FANK1: variants seen among roughly 807,000 people sequenced by gnomAD.
FANK1 encodes the protein fibronectin type III and ankyrin repeat domains 1.
A neutral mutation model predicts 45.3 loss-of-function variants in FANK1; 44 were observed. That is an observed-to-expected ratio of 0.97 (90% CI 0.76 to 1.25). FANK1 has a LOEUF of 1.25. Among genes scored for constraint, FANK1 ranks in the 50% most tolerant of loss-of-function variants. The pLI is 0.00. For synonymous variants in FANK1, 149 were observed against 152.5 expected, an observed-to-expected ratio of 0.98 and a Z score of 0.17; for missense variants, 391 against 424.4, an observed-to-expected ratio of 0.92 and a Z score of 0.69.
chr10:125,980,512 C>T, intron 2 of FANK1, 174 bp downstream of exon 2: 1 of 629,374 alleles, frequency 1.6e-6, no homozygotes, highest in East Asian at 2.9e-5. Flanking sequence ...TTAGCAGTAA[C>T]TTTGAAATTA....
At chr10:125,935,253 T>C (rs1052448885) in intron 1 of FANK1, among the ~76,000 whole-genome samples, 3 of 152,202 alleles carry the variant, frequency 2.0e-5, no homozygotes, top group Non-Finnish European at 4.4e-5. Context: ...ATCTGATTGT[T>C]ATCTCTCTGC....
intron 5 of FANK1, among the ~76,000 whole-genome samples, chr10:125,997,060 TTAAATGCCATTTGAAAAAAACA>T (rs1400429544): frequency 6.6e-6 from 1 of 152,244 alleles, no homozygotes; most frequent in East Asian, 1.9e-4. Context: ...TATATTTTAA[TTAAATGCCATTTGAAAAAAACA>T]GAAATGCATC....
intron 1 of FANK1, among the ~76,000 whole-genome samples, chr10:125,971,161 G>T (rs897671113): frequency 4.6e-5 from 7 of 152,080 alleles, no homozygotes; most frequent in African/African-American, 1.7e-4. Flanking sequence ...GAGCTATCTT[G>T]CTAATTGTTT....
chr10:125,901,156 G>A (rs1945004872), intron 1 of FANK1, among the ~76,000 whole-genome samples: 1 of 152,134 alleles, frequency 6.6e-6, no homozygotes, highest in Non-Finnish European at 1.5e-5. Context: ...CTAAGAAACT[G>A]AGGTGAATGA....
In FANK1 at chr10:125,914,641, GA is replaced by G. The variant is rs202202491; in HGVS notation, c.13+17989del. On this transcript the variant is annotated intron_variant, in intron 1 of 10. Transcript: ENST00000368693. Reference sequence around the variant, plus strand: ...TTTTTGTTAGATGATGTTGAACTTTGAAAGGCCACCAAGGACACTTTTAATA... The same window carrying G: ...TTTTTGTTAGATGATGTTGAACTTTGAAGGCCACCAAGGACACTTTTAATA... Among the ~76,000 whole-genome samples, 127 of 152,316 alleles carry G rather than the reference GA, an allele frequency of 8.3e-4. 3 individuals carry two copies. In the East Asian group the frequency reaches 0.022, roughly 27 times the overall value.
At chr10:125,947,322 T>C (rs1220416520) in intron 1 of FANK1, among the ~76,000 whole-genome samples, 1 of 149,908 alleles carries the variant, frequency 6.7e-6, no homozygotes, top group Non-Finnish European at 1.5e-5. Context: ...GACTGGCAAA[T>C]TGGATAAAGA....
At chr10:125,942,325 G>A (rs1948501615) in intron 1 of FANK1, among the ~76,000 whole-genome samples, 1 of 152,154 alleles carries the variant, frequency 6.6e-6, no homozygotes, top group Non-Finnish European at 1.5e-5. Context: ...CAAACCACAT[G>A]GGACATGTTT....
intron 1 of FANK1, among the ~76,000 whole-genome samples, chr10:125,953,787 C>T (rs935825905): frequency 6.6e-6 from 1 of 152,178 alleles, no homozygotes; most frequent in African/African-American, 2.4e-5. Flanking sequence ...CCCTGCCCCT[C>T]CTAGCTGGGC....
chr10:125,901,896 G>A (rs1449224161), intron 1 of FANK1, among the ~76,000 whole-genome samples: 2 of 152,232 alleles, frequency 1.3e-5, no homozygotes, highest in Non-Finnish European at 2.9e-5. Context: ...CAAGGCGGGC[G>A]GATCACCTGA....
intron 1 of FANK1, among the ~76,000 whole-genome samples, chr10:125,945,492 A>G (rs112055787): frequency 1.3e-5 from 2 of 152,152 alleles, no homozygotes; most frequent in Non-Finnish European, 2.9e-5. Context: ...GGGGTGACAG[A>G]CGCACCTGGA....
chr10:125,901,783 TTTCTC>T (rs1398638919), intron 1 of FANK1, among the ~76,000 whole-genome samples: 1 of 152,234 alleles, frequency 6.6e-6, no homozygotes, highest in African/African-American at 2.4e-5. Flanking sequence ...TCTCTGCGCT[TTTCTC>T]TTAATAGTAA....
intron 1 of FANK1, among the ~76,000 whole-genome samples, chr10:125,960,669 G>T (rs911359242): frequency 6.6e-6 from 1 of 152,188 alleles, no homozygotes; most frequent in African/African-American, 2.4e-5. Context: ...TGGGACTACA[G>T]GCGCCCACCA....
intron 6 of FANK1, among the ~76,000 whole-genome samples, chr10:125,999,375 A>G (rs970574903): frequency 2.6e-5 from 4 of 151,882 alleles, no homozygotes; most frequent in African/African-American, 9.7e-5. Context: ...AACTTCTTGT[A>G]TTTTTAGTAG....
At chr10:125,940,772 C>A (rs1424641210) in intron 1 of FANK1, among the ~76,000 whole-genome samples, 1 of 152,182 alleles carries the variant, frequency 6.6e-6, no homozygotes, top group African/African-American at 2.4e-5. Context: ...GGCAGAGGTA[C>A]CTGCGGCTTT....
chr10:125,997,351 A>T, intron 5 of FANK1, 69 bp from the exon 6 acceptor site: 1 of 1,260,232 alleles, frequency 7.9e-7, no homozygotes, highest in East Asian at 2.4e-5. Flanking sequence ...ACTCATTTTT[A>T]CTGGACTATT....
intron 1 of FANK1, among the ~76,000 whole-genome samples, chr10:125,946,789 T>G (rs948151010): frequency 3.1e-4 from 17 of 54,488 alleles, no homozygotes; most frequent in Admixed American, 8.0e-4. Flanking sequence ...GAAGAGCAAC[T>G]CCAAGACACA....
intron 1 of FANK1, among the ~76,000 whole-genome samples, chr10:125,970,298 C>T (rs979922661): frequency 6.6e-6 from 1 of 152,084 alleles, no homozygotes; most frequent in East Asian, 2.0e-4. Flanking sequence ...CGCCCCCTGC[C>T]TCCCAGACGG....
chr10:125,930,500 C>CT (rs530257946), intron 1 of FANK1, among the ~76,000 whole-genome samples: 2,377 of 138,770 alleles, frequency 0.017, 14 homozygotes, highest in Middle Eastern at 0.037. Context: ...CCACACTCAA[C>CT]TTTTTTTTTT....
chr10:125,918,600 A>G (rs1267474169), intron 1 of FANK1, among the ~76,000 whole-genome samples: 2 of 134,070 alleles, frequency 1.5e-5, no homozygotes, highest in East Asian at 4.1e-4. Flanking sequence ...ATATATATAT[A>G]TATATATAGT....
Sources: gnomAD v4.1 joint callset for allele counts (sites outside exome capture counted in the v4.1 genomes callset) on GRCh38, gnomAD v4.1.1 for gene constraint, MANE v1.5 for transcripts, NCBI Gene and HGNC (gene_info 2026-07-23, HGNC 2026-07-21) for gene names.